SLC3A1: variants seen among roughly 807,000 people sequenced by gnomAD.
SLC3A1 encodes the protein amino acid transporter heavy chain SLC3A1.
A neutral mutation model predicts 60.3 loss-of-function variants in SLC3A1; 78 were observed. The ratio of observed to expected loss-of-function variants is 1.29; its 90% CI spans 1.08 to 1.56. SLC3A1 has a LOEUF of 1.56. Among genes scored for constraint, SLC3A1 ranks in the 40% most tolerant of loss-of-function variants. The probability of loss-of-function intolerance (pLI) is 0.00; values close to 1 mark genes in which losing one functional copy is unlikely to be tolerated. For synonymous variants in SLC3A1, 392 were observed against 307.9 expected, an observed-to-expected ratio of 1.27 and a Z score of -2.86; for missense variants, 1,172 against 858.9, an observed-to-expected ratio of 1.36 and a Z score of -4.56.
intron 5 of SLC3A1, among the ~76,000 whole-genome samples, chr2:44,300,346 G>C (rs933743231): frequency 2.6e-4 from 39 of 152,198 alleles, no homozygotes; most frequent in Admixed American, 2.4e-3. Flanking sequence ...GACATGGACA[G>C]TGTGGGCTCT....
chr2:44,276,521 C>G (rs1241045706), intron 1 of SLC3A1, among the ~76,000 whole-genome samples: 2 of 152,056 alleles, frequency 1.3e-5, no homozygotes, highest in African/African-American at 4.8e-5. Flanking sequence ...TTCGTCATTA[C>G]TTGAATTAAG....
chr2:44,286,593 G>A (rs1572794245), intron 4 of SLC3A1, among the ~76,000 whole-genome samples: 2 of 130,582 alleles, frequency 1.5e-5, no homozygotes, highest in African/African-American at 3.1e-5. Context: ...GGTGAGCTGT[G>A]CGGTGTCTGT....
chr2:44,287,935 A>G (rs1489078620), intron 4 of SLC3A1, among the ~76,000 whole-genome samples: 6 of 152,176 alleles, frequency 3.9e-5, no homozygotes, highest in Middle Eastern at 3.2e-3. Context: ...TTTAATTGAC[A>G]TATAATTCAC....
At position 44,281,406 on chromosome 2, in the gene SLC3A1, T is replaced by C. The variant is rs1452414512; in HGVS notation, c.630T>C (p.Asp210=). Residue 210 remains aspartate (D), a synonymous_variant, in exon 3 of 10, where the codon GAT becomes GAC. Transcript: ENST00000260649. ...IHDKGLKLII[D]FIPNHTSDKH... ...CATTAGGTTTAAAATTAATCATCGA[T>C]TTCATACCAAACCACACGAGTGATA... 6 of 1,613,202 alleles carry C rather than the reference T, an allele frequency of 3.7e-6. No individual in the cohort carries two copies. The African/African-American group carries it at 8.0e-5, about 22-fold the overall frequency.
intron 3 of SLC3A1, 69 bp downstream of exon 3, chr2:44,281,610 A>T: frequency 6.8e-7 from 1 of 1,463,434 alleles, no homozygotes; most frequent in South Asian, 1.1e-5. Context: ...CTGATTTAGT[A>T]AAACCCTTTT....
chr2:44,311,571 G>T (rs1672298588), intron 7 of SLC3A1, among the ~76,000 whole-genome samples: 1 of 151,996 alleles, frequency 6.6e-6, no homozygotes, highest in Non-Finnish European at 1.5e-5. Flanking sequence ...GAAATCAAAG[G>T]GTTTCTTGTC....
intron 4 of SLC3A1, among the ~76,000 whole-genome samples, chr2:44,291,757 C>G (rs940276864): frequency 1.3e-5 from 2 of 152,136 alleles, no homozygotes; most frequent in Admixed American, 6.5e-5. Flanking sequence ...TGCATACCAA[C>G]TTGTACTCCT....
At chr2:44,288,363 C>T (rs536029667) in intron 4 of SLC3A1, among the ~76,000 whole-genome samples, 1 of 152,150 alleles carries the variant, frequency 6.6e-6, no homozygotes, top group African/African-American at 2.4e-5. Flanking sequence ...AAAAGAAACC[C>T]CATATCCATC....
intron 6 of SLC3A1, 131 bp downstream of exon 6, chr2:44,301,258 G>T: frequency 8.1e-7 from 1 of 1,227,456 alleles, no homozygotes; most frequent in Non-Finnish European, 1.2e-6. Context: ...ATTGATTACA[G>T]TTTGGTTGTA....
In SLC3A1 at chr2:44,275,758, C is replaced by T. The variant is rs1385575182; in HGVS notation, c.223C>T (p.Gln75Ter). 6.2e-7 allele frequency: 1 copy of T among 1,614,244 alleles called. No individual in the cohort carries two copies. The highest frequency in any genetic ancestry group is 2.2e-5 in the East Asian group (1 of 44,876). ...YAGMPKEVLF[Q>*]FSGQARYRIP... is the part of the protein sequence containing the mutation. ...GGGGATGCCCAAGGAGGTGCTGTTC[C>T]AGTTCTCTGGCCAGGCCCGCTACCG... is the stretch of plus-strand genomic sequence containing the variant. Residue 75 changes from glutamine to a stop codon, truncating the protein, a stop_gained, in exon 1 of 10, where the codon CAG becomes TAG. Coordinates refer to ENST00000260649, the MANE Select transcript of SLC3A1 (RefSeq NM_000341.4). LOFTEE classifies it high-confidence loss of function.
rs183959474 is a variant in SLC3A1 at position 44,307,021 on chromosome 2, G to C, written c.1332+2683G>C. ...CATGGCCCCTCCCTCTCTGTCCTCAGTCTCTGGCAACCACTCACCTACTTT... is the reference window on the plus strand; with the variant it reads ...CATGGCCCCTCCCTCTCTGTCCTCACTCTCTGGCAACCACTCACCTACTTT... On this transcript the variant is annotated intron_variant, in intron 7 of 9. Coordinates refer to ENST00000260649, the MANE Select transcript of SLC3A1 (RefSeq NM_000341.4). Among the ~76,000 whole-genome samples, 377 of 152,226 alleles carry C rather than the reference G, an allele frequency of 2.5e-3. 1 individual carries two copies. The highest frequency in any genetic ancestry group is 3.9e-3 in the Non-Finnish European group (262 of 68,002).
Position 44,301,022 on chromosome 2 carries a change from C to G in SLC3A1, c.1031C>G (p.Ser344Trp). The G allele has an allele frequency of 6.2e-7, 1 of 1,614,126 alleles. No homozygotes were observed. Among genetic ancestry groups the G allele is most frequent in the Non-Finnish European group, 8.5e-7 (1 of 1,180,014 alleles). ...TCAAAGGACACGGTCACACAATACT[C>G]GGAGCTGTACCATGACTTCACCACC... ...TQIPDTVTQY[S>W]ELYHDFTTTQ... Residue 344 changes from serine to tryptophan, a missense_variant, in exon 6 of 10, where the codon TCG becomes TGG. Coordinates refer to ENST00000260649, the MANE Select transcript of SLC3A1 (RefSeq NM_000341.4).
rs1178784734 is a variant in SLC3A1 at position 44,280,906 on chromosome 2, T to C, written c.610+11T>C. 3 of 1,613,024 alleles carry C rather than the reference T, an allele frequency of 1.9e-6. No individual in the cohort carries two copies. Among genetic ancestry groups the C allele is most frequent in the Non-Finnish European group, 2.5e-6 (3 of 1,179,000 alleles). The stretch of plus-strand genomic sequence containing the variant: ...CCATACATGATAAAGGTAAGTTGAA[T>C]GGAAAGTGGGCAAGATGGGGATGAG... On this transcript the variant is annotated intron_variant, in intron 2 of 9. Transcript: ENST00000260649.
chr2:44,298,826 A>G (rs1165947648), intron 4 of SLC3A1, among the ~76,000 whole-genome samples: 1 of 152,110 alleles, frequency 6.6e-6, no homozygotes, highest in East Asian at 1.9e-4. Context: ...TCTCTCTAGC[A>G]AGGTGTGTTG....
chr2:44,275,861 C>A lies in SLC3A1; in HGVS notation c.326C>A (p.Ala109Asp), dbSNP rs775395185. Residue 109 changes from alanine to aspartate, a missense_variant, in exon 1 of 10, where the codon GCC (alanine) becomes GAC (aspartate). Ala to Asp is a moderately radical substitution (Grantham distance 126). Coordinates refer to ENST00000260649, the MANE Select transcript of SLC3A1 (RefSeq NM_000341.4). ...ATCGCGGCCACCATAGCCATCATTG[C>A]CCTCTCTCCAAAGTGCCTAGACTGG... ...VLIAATIAII[A>D]LSPKCLDWWQ... 6.2e-7 allele frequency: 1 copy of A among 1,614,214 alleles called. No individual in the cohort carries two copies. Among genetic ancestry groups the A allele is most frequent in the Admixed American group, 1.7e-5 (1 of 60,034 alleles).
In SLC3A1 at chr2:44,312,678, T is replaced by G; in HGVS notation, c.1425T>G (p.Thr475=). The change falls in exon 8 of 10, where the codon ACT becomes ACG. Residue 475 remains threonine (T), a synonymous_variant. Transcript: ENST00000260649. ...TGCTTCTTTTCACACTCCCTGGAAC[T>G]CCTATAACTTACTATGGAGAAGAAA... ...MNMLLFTLPG[T]PITYYGEEIG... 6.2e-7 allele frequency: 1 copy of G among 1,613,644 alleles called. No individual in the cohort carries two copies. Among genetic ancestry groups the G allele is most frequent in the Non-Finnish European group, 8.5e-7 (1 of 1,179,586 alleles).
Position 44,293,784 on chromosome 2 carries a change from G to A in SLC3A1, c.892-6187G>A, listed in dbSNP as rs540506759. Among the ~76,000 whole-genome samples, 8 of 152,236 alleles carry A rather than the reference G, an allele frequency of 5.3e-5. 1 individual carries two copies. Among genetic ancestry groups the A allele is most frequent in the African/African-American group, 1.7e-4 (7 of 41,536 alleles). Reference sequence around the variant, plus strand: ...GCCAGGCTAGCAAATAAGTCAGGGCGCCGTACAGTTGCAATTCTGCTGCCA... The same window carrying A: ...GCCAGGCTAGCAAATAAGTCAGGGCACCGTACAGTTGCAATTCTGCTGCCA... On this transcript the variant is annotated intron_variant, in intron 4 of 9. Transcript: ENST00000260649.
At position 44,320,364 on chromosome 2, in the gene SLC3A1, G is replaced by A. The variant is rs768891789; in HGVS notation, c.1783G>A (p.Val595Met). 1.7e-5 allele frequency: 28 copies of A among 1,613,920 alleles called. No homozygotes were observed. The African/African-American group carries it at 2.3e-4, about 13-fold the overall frequency. Residue 595 changes from valine (V) to methionine (M), a missense_variant, in exon 10 of 10, where the codon GTG becomes ATG. Val to Met is a conservative substitution (Grantham distance 21). Coordinates refer to ENST00000260649, the MANE Select transcript of SLC3A1 (RefSeq NM_000341.4). ...ELDGIDRIFI[V>M]VLNFGESTLL... ...GGATGGCATCGACAGAATCTTTATC[G>A]TGGTTCTGAATTTTGGAGAATCAAC...
At chr2:44,293,452 G>A (rs1671780808) in intron 4 of SLC3A1, among the ~76,000 whole-genome samples, 1 of 152,050 alleles carries the variant, frequency 6.6e-6, no homozygotes, top group Non-Finnish European at 1.5e-5. Context: ...ATGAGGCAGA[G>A]GTTGCAGTGA....
Sources: allele counts gnomAD v4.1 joint callset (sites outside exome capture counted in the v4.1 genomes callset), GRCh38; gene constraint gnomAD v4.1.1; transcripts MANE v1.5; gene names NCBI Gene and HGNC (gene_info 2026-07-23, HGNC 2026-07-21).